Variants in ICAM1 observed in about 807,000 individuals in gnomAD.
ICAM1 encodes the protein ICAM-1.
ICAM1 carries 28 observed loss-of-function variants against 42.3 expected under a neutral mutation model. The ratio of observed to expected loss-of-function variants is 0.66; its 90% CI spans 0.49 to 0.91. The LOEUF (loss-of-function observed/expected upper bound fraction) is 0.91. Ranked by LOEUF, ICAM1 falls within the 40% of genes least tolerant of loss-of-function variation. The pLI is 0.00. For synonymous variants in ICAM1, 304 were observed against 305.9 expected, an observed-to-expected ratio of 0.99 and a Z score of 0.07; for missense variants, 637 against 688.6, an observed-to-expected ratio of 0.93 and a Z score of 0.84.
Position 10,283,693 on chromosome 19 carries a change from G to A in ICAM1, c.544G>A (p.Ala182Thr). The A allele has an allele frequency of 6.2e-7, 1 of 1,613,996 alleles. No homozygotes were observed. Among genetic ancestry groups the A allele is most frequent in the Non-Finnish European group, 8.5e-7 (1 of 1,179,968 alleles). Residue 182 changes from alanine to threonine, a missense_variant, in exon 3 of 7, where the codon GCC (alanine) becomes ACC (threonine). Physicochemically the swap from Ala to Thr is moderately conservative, Grantham distance 58. Coordinates refer to ENST00000264832, the MANE Select transcript of ICAM1 (RefSeq NM_000201.3). ...GCTGGTGAGGAGAGATCACCATGGA[G>A]CCAATTTCTCGTGCCGCACTGAACT... ...TVLVRRDHHGANFSCRTELDL... is the reference protein window; with the variant it reads ...TVLVRRDHHGTNFSCRTELDL...
chr19:10,275,521 A>G (rs1278238752), intron 2 of ICAM1, among the ~76,000 whole-genome samples: 1 of 152,042 alleles, frequency 6.6e-6, no homozygotes, highest in Non-Finnish European at 1.5e-5. Flanking sequence ...CCATCTCTCT[A>G]TGCCTCACTC....
rs187022571 is a variant in ICAM1 at position 10,285,147 on chromosome 19, G to A, written c.1459G>A (p.Val487Ile). The change falls in exon 7 of 7, where the codon GTA becomes ATA. Residue 487 changes from valine to isoleucine, a missense_variant. Val to Ile is a conservative substitution (Grantham distance 29). Coordinates refer to ENST00000264832, the MANE Select transcript of ICAM1 (RefSeq NM_000201.3). ...PRYEIVIITV[V>I]AAAVIMGTAG... ...GTATGAGATTGTCATCATCACTGTG[G>A]TAGCAGCCGCAGTCATAATGGGCAC... 1.2e-6 allele frequency: 2 copies of A among 1,614,164 alleles called. No homozygotes were observed. Among genetic ancestry groups the A allele is most frequent in the East Asian group, 4.5e-5 (2 of 44,886 alleles).
chr19:10,271,257 A>G lies in ICAM1; in HGVS notation c.67+31A>G, dbSNP rs1462082207. 3.7e-6 allele frequency: 6 copies of G among 1,600,988 alleles called. No homozygotes were observed. In the Admixed American group the frequency reaches 8.5e-5, roughly 23 times the overall value. On this transcript the variant is annotated intron_variant, in intron 1 of 6. Coordinates refer to ENST00000264832, the MANE Select transcript of ICAM1 (RefSeq NM_000201.3). Reference sequence around the variant, plus strand: ...TCGGGGTGGGGATTGCCGTCGGGCCAGTTCTCCGAAGCCCCGGGAGGACCG... The same window carrying G: ...TCGGGGTGGGGATTGCCGTCGGGCCGGTTCTCCGAAGCCCCGGGAGGACCG...
Position 10,284,940 on chromosome 19 carries a change from T to C in ICAM1, c.1338T>C (p.Thr446=), listed in dbSNP as rs765121038. ...CACTGCCCATCGGGGAATCAGTGAC[T>C]GTCACTCGAGATCTTGAGGGCACCT... ...TFPLPIGESV[T]VTRDLEGTYL... The change falls in exon 6 of 7, where the codon ACT becomes ACC. Residue 446 remains threonine (T), a synonymous_variant. Transcript: ENST00000264832. The surrounding 1 kb of genome is among the most constrained non-coding windows in gnomAD (Gnocchi z 5.4). The C allele has an allele frequency of 3.7e-6, 6 of 1,609,566 alleles. No homozygotes were observed. Among genetic ancestry groups the C allele is most frequent in the Non-Finnish European group, 4.2e-6 (5 of 1,177,182 alleles).
At chr19:10,280,869 T>A in intron 2 of ICAM1, among the ~76,000 whole-genome samples, 1 of 11,586 alleles carries the variant, frequency 8.6e-5, no homozygotes, top group African/African-American at 3.5e-4. Flanking sequence ...GTGCCCGGCC[T>A]TTTTTTTTTT....
intron 1 of ICAM1, among the ~76,000 whole-genome samples, chr19:10,273,287 G>GT (rs2039994559): frequency 6.6e-6 from 1 of 152,068 alleles, no homozygotes; most frequent in Non-Finnish European, 1.5e-5. Context: ...GAGGTCAGGA[G>GT]TTTGAGACCA....
At chr19:10,285,068 C>T (rs2040093347) in intron 6 of ICAM1, 40 bp downstream of exon 6, 1 of 1,613,580 alleles carries the variant, frequency 6.2e-7, no homozygotes, top group East Asian at 2.2e-5. Context: ...GGGGCAGGGG[C>T]CATGGACCTA....
intron 2 of ICAM1, among the ~76,000 whole-genome samples, chr19:10,278,595 C>T (rs551804446): frequency 2.7e-5 from 3 of 109,560 alleles, no homozygotes; most frequent in East Asian, 3.0e-4. Context: ...CACAGTCTTG[C>T]TCTGTCGCCC....
chr19:10,283,883 C>A (rs1407363360), intron 3 of ICAM1, 97 bp downstream of exon 3: 2 of 1,445,332 alleles, frequency 1.4e-6, no homozygotes, highest in Middle Eastern at 3.7e-4. Context: ...GGTGTGGCCC[C>A]GGCTAAGGGG....
In ICAM1 at chr19:10,275,016, C is replaced by T. The variant is rs765263284; in HGVS notation, c.319C>T (p.Leu107Phe). ...PDGQSTAKTF[L>F]TVYWTPERVE... ...TGGGCAGTCAACAGCTAAAACCTTC[C>T]TCACCGTGTACTGTGAGTAACTGAG... The change falls in exon 2 of 7, where the codon CTC becomes TTC. Residue 107 changes from leucine to phenylalanine, a missense_variant. Transcript: ENST00000264832. 1 of 1,613,620 alleles carries T rather than the reference C, an allele frequency of 6.2e-7. No individual in the cohort carries two copies. The highest frequency in any genetic ancestry group is 8.5e-7 in the Non-Finnish European group (1 of 1,180,050).
intron 2 of ICAM1, among the ~76,000 whole-genome samples, chr19:10,282,630 C>T (rs5030378): frequency 6.6e-6 from 1 of 152,164 alleles, no homozygotes; most frequent in East Asian, 1.9e-4. Flanking sequence ...AAGTGACCCT[C>T]TTGCCTTGGC....
In ICAM1 at chr19:10,282,778, C is replaced by T. The variant is rs190254418; in HGVS notation, c.332-703C>T. ...CTGTAATCCCAGCACTTTGGGAGGC[C>T]GGGGTGGGCAGATCACTTGAGGTCA... On this transcript the variant is annotated intron_variant, in intron 2 of 6. Transcript: ENST00000264832. Among the ~76,000 whole-genome samples, 3 of 151,702 alleles carry T rather than the reference C, an allele frequency of 2.0e-5. No individual in the cohort carries two copies. The East Asian group carries it at 5.9e-4, about 30-fold the overall frequency.
intron 2 of ICAM1, 79 bp downstream of exon 2, chr19:10,275,107 G>A (rs2040007544): frequency 1.4e-6 from 2 of 1,464,170 alleles, no homozygotes; most frequent in Non-Finnish European, 1.9e-6. Flanking sequence ...GAGGCCTGGG[G>A]GAATCTTTGC....
chr19:10,272,272 G>T (rs752492617), intron 1 of ICAM1, among the ~76,000 whole-genome samples: 1 of 152,132 alleles, frequency 6.6e-6, no homozygotes, highest in Non-Finnish European at 1.5e-5. Flanking sequence ...GAGACATAGC[G>T]AGATTCTGTC....
At position 10,278,564 on chromosome 19, in the gene ICAM1, TTTTTTTTC is replaced by T. The variant is rs1252253291; in HGVS notation, c.331+3544_331+3551del. Among the ~76,000 whole-genome samples the T allele has an allele frequency of 4.2e-4, 43 of 102,180 alleles. 3 individuals carry two copies. Among genetic ancestry groups the T allele is most frequent in the Non-Finnish European group, 5.3e-4 (26 of 49,156 alleles). The allele number at this position is 102,180 out of a possible 152,430, so 67.0% of individuals were successfully genotyped here. ...CTGATAGGTCTTTTTTTTTTTTTTT[TTTTTTTTC>T]TTTTTTTTGACACACAGTCTTGCTC... On this transcript the variant is annotated intron_variant, in intron 2 of 6. Transcript: ENST00000264832.
intron 2 of ICAM1, among the ~76,000 whole-genome samples, chr19:10,278,363 A>G (rs73510875): frequency 0.018 from 2,797 of 152,084 alleles, 88 homozygotes; most frequent in African/African-American, 0.064. Flanking sequence ...TTCTCCTATC[A>G]TTGTGTCAGG....
At position 10,272,635 on chromosome 19, in the gene ICAM1, G is replaced by C. The variant is rs1399865746; in HGVS notation, c.67+1409G>C. 1.2e-4 allele frequency among the ~76,000 whole-genome samples: 17 copies of C among 138,944 alleles called. No individual in the cohort carries two copies. The Admixed American group carries it at 1.3e-3, about 11-fold the overall frequency. The allele number at this position is 138,944 out of a possible 152,430, so 91.2% of individuals were successfully genotyped here. On this transcript the variant is annotated intron_variant, in intron 1 of 6. Coordinates refer to ENST00000264832, the MANE Select transcript of ICAM1 (RefSeq NM_000201.3). ...GCTGGAGTGCAGTGGCGTGATCTCG[G>C]CTCACTGCAACCTCTGCCTCCCAGG...
At position 10,283,710 on chromosome 19, in the gene ICAM1, C is replaced by T. The variant is rs1474799542; in HGVS notation, c.561C>T (p.Arg187=). The T allele has an allele frequency of 6.2e-7, 1 of 1,613,800 alleles. No individual in the cohort carries two copies. The highest frequency in any genetic ancestry group is 8.5e-7 in the Non-Finnish European group (1 of 1,179,930). ...ACCATGGAGCCAATTTCTCGTGCCG[C>T]ACTGAACTGGACCTGCGGCCCCAAG... is the stretch of plus-strand genomic sequence containing the variant. ...RDHHGANFSC[R]TELDLRPQGL... Residue 187 remains arginine, a synonymous_variant, in exon 3 of 7, where the codon CGC becomes CGT. Transcript: ENST00000264832.
rs1490175275 is a variant in ICAM1 at position 10,284,947 on chromosome 19, C to G, written c.1345C>G (p.Arg449Gly). 6.2e-7 allele frequency: 1 copy of G among 1,610,080 alleles called. No homozygotes were observed. Among genetic ancestry groups the G allele is most frequent in the Non-Finnish European group, 8.5e-7 (1 of 1,177,406 alleles). The change falls in exon 6 of 7, where the codon CGA becomes GGA. Residue 449 changes from arginine (R) to glycine (G), a missense_variant. Transcript: ENST00000264832. The surrounding 1 kb of genome is among the most constrained non-coding windows in gnomAD (Gnocchi z 5.4). ...CATCGGGGAATCAGTGACTGTCACT[C>G]GAGATCTTGAGGGCACCTACCTCTG... The part of the protein sequence containing the change: ...LPIGESVTVT[R>G]DLEGTYLCRA...
Sources: gnomAD v4.1 joint callset for allele counts (sites outside exome capture counted in the v4.1 genomes callset) on GRCh38, gnomAD v4.1.1 for gene constraint, Gnocchi (gnomAD v3.1) non-coding constraint, MANE v1.5 for transcripts, NCBI Gene and HGNC (gene_info 2026-07-23, HGNC 2026-07-21) for gene names.